TMEM132D: variants seen among roughly 807,000 people sequenced by gnomAD.
TMEM132D encodes transmembrane protein 132D.
Under a neutral mutation model 62.3 loss-of-function variants are expected in TMEM132D, and 21 were observed. The observed-to-expected ratio is 0.34, with a 90% confidence interval of 0.24 to 0.49. TMEM132D has a LOEUF of 0.49. TMEM132D is among the 20% of genes least tolerant of loss of function. The pLI is 0.99. For missense variants in TMEM132D, 1,346 were observed against 1,402.8 expected (o/e 0.96, Z 0.65); for synonymous variants, 621 against 575.6 (o/e 1.08, Z -1.13).
intron 1 of TMEM132D, among the ~76,000 whole-genome samples, chr12:129,719,482 G>A (rs191185397): frequency 5.9e-5 from 9 of 152,346 alleles, no homozygotes; most frequent in African/African-American, 1.9e-4. Flanking sequence ...AGTAGCTCCT[G>A]TCTATAAAGT....
intron 5 of TMEM132D, among the ~76,000 whole-genome samples, chr12:129,176,296 C>T (rs896674413): frequency 6.6e-6 from 1 of 152,188 alleles, no homozygotes; most frequent in Non-Finnish European, 1.5e-5. Flanking sequence ...GTATATCCCA[C>T]CCCCCAAGCT....
intron 5 of TMEM132D, among the ~76,000 whole-genome samples, chr12:129,180,976 C>T (rs995509452): frequency 5.3e-5 from 8 of 151,830 alleles, no homozygotes; most frequent in African/African-American, 1.7e-4. Context: ...GAGCATGATT[C>T]GATGGAGGTT....
rs552944009 is a variant in TMEM132D at position 129,284,687 on chromosome 12, A to G, written c.1299+52947T>C. Among the ~76,000 whole-genome samples, 14 of 152,384 alleles carry G rather than the reference A, an allele frequency of 9.2e-5. No homozygotes were observed. In the South Asian group the frequency reaches 2.7e-3, roughly 29 times the overall value. The stretch of plus-strand genomic sequence containing the variant: ...CAAATGCCCATTGGCGGATGCATGG[A>G]TTAACAAAATATAGCATATAAATAC... On this transcript the variant is annotated intron_variant, in intron 4 of 8. Transcript: ENST00000422113.
intron 3 of TMEM132D, among the ~76,000 whole-genome samples, chr12:129,412,728 C>A (rs551931327): frequency 2.4e-4 from 36 of 152,240 alleles, no homozygotes; most frequent in Non-Finnish European, 4.1e-4. Flanking sequence ...TGGTGGGCAC[C>A]TATAATCCCA....
At chr12:129,416,348 C>T (rs1466194432) in intron 3 of TMEM132D, among the ~76,000 whole-genome samples, 1 of 152,142 alleles carries the variant, frequency 6.6e-6, no homozygotes, top group Non-Finnish European at 1.5e-5. Context: ...CATGATTTGG[C>T]TCTCTGTCTA....
intron 4 of TMEM132D, among the ~76,000 whole-genome samples, chr12:129,330,862 G>A (rs1274613126): frequency 6.6e-6 from 1 of 152,176 alleles, no homozygotes; most frequent in Non-Finnish European, 1.5e-5. Context: ...AATGAGACGA[G>A]GAAGGACTTA....
intron 3 of TMEM132D, among the ~76,000 whole-genome samples, chr12:129,344,821 C>T (rs763981645): frequency 9.2e-5 from 14 of 152,088 alleles, no homozygotes; most frequent in Non-Finnish European, 1.6e-4. Context: ...TCCCGATTTC[C>T]GTCCGTCTGC....
chr12:129,346,025 C>A (rs967188592), intron 3 of TMEM132D, among the ~76,000 whole-genome samples: 1 of 152,162 alleles, frequency 6.6e-6, no homozygotes, highest in African/African-American at 2.4e-5. Context: ...ACCAGCTCCT[C>A]TTTGTACCTC....
intron 4 of TMEM132D, among the ~76,000 whole-genome samples, chr12:129,276,018 C>G (rs1474089340): frequency 6.8e-6 from 1 of 146,078 alleles, no homozygotes; most frequent in Non-Finnish European, 1.5e-5. Context: ...GCTTTCCAGG[C>G]ACGTGGATGC....
intron 1 of TMEM132D, among the ~76,000 whole-genome samples, chr12:129,898,973 G>C (rs1308308167): frequency 6.6e-6 from 1 of 152,240 alleles, no homozygotes; most frequent in African/African-American, 2.4e-5. Flanking sequence ...TTGACATCTA[G>C]AGGAATGACT....
At chr12:129,876,068 C>T (rs1874407797) in intron 1 of TMEM132D, among the ~76,000 whole-genome samples, 1 of 152,142 alleles carries the variant, frequency 6.6e-6, no homozygotes, top group Non-Finnish European at 1.5e-5. Flanking sequence ...AGACCTAAAA[C>T]ATGGTTCCTG....
At chr12:129,460,323 A>G (rs1341364974) in intron 3 of TMEM132D, among the ~76,000 whole-genome samples, 2 of 152,096 alleles carry the variant, frequency 1.3e-5, no homozygotes, top group African/African-American at 2.4e-5. Flanking sequence ...ACTGCCACAC[A>G]TCTCCTCAAT....
intron 3 of TMEM132D, among the ~76,000 whole-genome samples, chr12:129,468,565 ATT>A (rs5801856): frequency 0.97 from 147,483 of 152,030 alleles, 71,691 homozygotes; most frequent in East Asian, 1. Flanking sequence ...AGTCAATAAG[ATT>A]TTTTTTTTTG....
intron 3 of TMEM132D, among the ~76,000 whole-genome samples, chr12:129,424,019 C>T (rs371785611): frequency 3.3e-5 from 5 of 152,064 alleles, no homozygotes; most frequent in East Asian, 3.9e-4. Context: ...TTTTGTTACC[C>T]GTTCAGCAAA....
Position 129,903,346 on chromosome 12 carries a change from G to A in TMEM132D, c.-7C>T. The A allele has an allele frequency of 1.3e-6, 2 of 1,551,704 alleles. No individual in the cohort carries two copies. Among genetic ancestry groups the A allele is most frequent in the South Asian group, 1.2e-5 (1 of 84,068 alleles). Reference sequence around the variant, plus strand: ...CCATCTCAGACGGGCACATCCTGGAGACCCGGAGCGCAGATCCTCCGCTCC... The same window carrying A: ...CCATCTCAGACGGGCACATCCTGGAAACCCGGAGCGCAGATCCTCCGCTCC... On this transcript the variant is annotated 5_prime_UTR_variant, in exon 1 of 9. Transcript: ENST00000422113. This position sits in a 1 kb window ranked among gnomAD's most constrained non-coding sequence, Gnocchi z 6.2.
rs930151210 is a variant in TMEM132D at position 129,405,521 on chromosome 12, C to T, written c.1116-67704G>A. Among the ~76,000 whole-genome samples the T allele has an allele frequency of 9.9e-5, 15 of 152,126 alleles. 1 individual carries two copies. On this transcript the variant is annotated intron_variant, in intron 3 of 8. Transcript: ENST00000422113. ...TGTGGGGCAAGCAGGCTGTGGGTCC[C>T]CGACAGAGGCATGGAGGTGGGTCGG...
intron 1 of TMEM132D, among the ~76,000 whole-genome samples, chr12:129,728,283 T>G (rs1869109004): frequency 6.6e-6 from 1 of 152,242 alleles, no homozygotes; most frequent in African/African-American, 2.4e-5. Flanking sequence ...ATAAACTGTA[T>G]TTTATTTAAT....
At chr12:129,411,076 T>G (rs10773651) in intron 3 of TMEM132D, among the ~76,000 whole-genome samples, 103,697 of 151,686 alleles carry the variant, frequency 0.68, 36,189 homozygotes, top group East Asian at 0.89. Flanking sequence ...ATTTCATGCT[T>G]ATCTTTATCA....
In TMEM132D at chr12:129,414,497, A is replaced by G. The variant is rs1872058054; in HGVS notation, c.1116-76680T>C. Among the ~76,000 whole-genome samples the G allele has an allele frequency of 3.3e-5, 5 of 152,208 alleles. No homozygotes were observed. The South Asian group carries it at 1.0e-3, about 32-fold the overall frequency. On this transcript the variant is annotated intron_variant, in intron 3 of 8. Transcript: ENST00000422113. ...AAAATTGTATATATTTGGGTTGGCAATGAACCTAGCCTTAAGAAAAACCAA... is the reference window on the plus strand; with the variant it reads ...AAAATTGTATATATTTGGGTTGGCAGTGAACCTAGCCTTAAGAAAAACCAA...
Sources: gnomAD v4.1 joint callset for allele counts (sites outside exome capture counted in the v4.1 genomes callset) on GRCh38, gnomAD v4.1.1 for gene constraint, Gnocchi (gnomAD v3.1) non-coding constraint, MANE v1.5 for transcripts, NCBI Gene and HGNC (gene_info 2026-07-23, HGNC 2026-07-21) for gene names.